SHB: variants seen among roughly 807,000 people sequenced by gnomAD.
The protein encoded by SHB is SH2 domain containing adaptor protein B.
In SHB, 20 loss-of-function variants were observed where a neutral mutation model predicts 52.3. The observed-to-expected ratio is 0.38, with a 90% CI of 0.27 to 0.56. The LOEUF (loss-of-function observed/expected upper bound fraction) is 0.56. Ranked by LOEUF, SHB falls within the 20% of genes least tolerant of loss-of-function variation. SHB has a pLI of 0.71. For synonymous variants in SHB, 397 were observed against 316.5 expected, an observed-to-expected ratio of 1.25 and a Z score of -2.70; for missense variants, 825 against 723.3, an observed-to-expected ratio of 1.14 and a Z score of -1.61.
At chr9:37,940,007 T>C (rs1272034017) in intron 5 of SHB, among the ~76,000 whole-genome samples, 1 of 152,184 alleles carries the variant, frequency 6.6e-6, no homozygotes, top group Non-Finnish European at 1.5e-5. Flanking sequence ...GCTCAGAGAA[T>C]ATGCAGAACT....
intron 2 of SHB, among the ~76,000 whole-genome samples, chr9:38,002,243 TA>T (rs1405976494): frequency 1.3e-5 from 2 of 152,106 alleles, no homozygotes; most frequent in African/African-American, 4.8e-5. Context: ...ACCCCACACA[TA>T]TAACTGAAGG....
At chr9:38,051,672 AG>A (rs1182636943) in intron 1 of SHB, among the ~76,000 whole-genome samples, 12 of 152,262 alleles carry the variant, frequency 7.9e-5, no homozygotes, top group Admixed American at 2.0e-4. Flanking sequence ...GATGGCTTTC[AG>A]ATGATCCAGA....
At chr9:37,966,130 C>T (rs148340620) in intron 3 of SHB, among the ~76,000 whole-genome samples, 428 of 152,272 alleles carry the variant, frequency 2.8e-3, no homozygotes, top group Admixed American at 5.7e-3. Flanking sequence ...TAAGCCACTG[C>T]GTCTGGCCTG....
chr9:37,977,165 A>G (rs770418231), intron 2 of SHB, among the ~76,000 whole-genome samples: 1 of 152,170 alleles, frequency 6.6e-6, no homozygotes, highest in Non-Finnish European at 1.5e-5. Context: ...TTTAAAAAAG[A>G]GACTTTGGAT....
chr9:38,056,065 T>C (rs1448908429), intron 1 of SHB, among the ~76,000 whole-genome samples: 1 of 152,204 alleles, frequency 6.6e-6, no homozygotes, highest in Non-Finnish European at 1.5e-5. Flanking sequence ...TGTCATTTTA[T>C]AAAGACAGGC....
At chr9:37,981,137 A>G (rs902510262) in intron 2 of SHB, among the ~76,000 whole-genome samples, 3 of 152,246 alleles carry the variant, frequency 2.0e-5, no homozygotes, top group African/African-American at 7.2e-5. Context: ...CTTTGAAGCC[A>G]GGCATTGACT....
At position 37,916,239 on chromosome 9, in the gene SHB, A is replaced by G. The variant is rs2118436772; in HGVS notation, c.*3582T>C. On this transcript the variant is annotated 3_prime_UTR_variant, in exon 6 of 6. Transcript: ENST00000377707. ...TCACCAATTCTGGAAGGGTGGAGAG[A>G]CAGTTGGCTGGACAGCTGCCTGATT... Among the ~76,000 whole-genome samples the G allele has an allele frequency of 6.6e-6, 1 of 152,316 alleles. No homozygotes were observed. The highest frequency in any genetic ancestry group is 1.5e-5 in the Non-Finnish European group (1 of 68,030).
chr9:38,045,835 C>G (rs569404239), intron 1 of SHB, among the ~76,000 whole-genome samples: 2 of 152,160 alleles, frequency 1.3e-5, no homozygotes, highest in Non-Finnish European at 2.9e-5. Flanking sequence ...AGGCCAGAGA[C>G]AGCTTGAAAG....
intron 2 of SHB, among the ~76,000 whole-genome samples, chr9:38,004,167 C>T (rs922616924): frequency 6.6e-6 from 1 of 152,192 alleles, no homozygotes; most frequent in African/African-American, 2.4e-5. Context: ...ACAACCCAGG[C>T]GCTCCCTCCC....
intron 5 of SHB, among the ~76,000 whole-genome samples, chr9:37,938,672 C>T (rs112078466): frequency 3.3e-5 from 5 of 152,250 alleles, no homozygotes; most frequent in Non-Finnish European, 5.9e-5. Context: ...AATGTAATCG[C>T]GGCTGCTCAG....
intron 3 of SHB, 47 bp from the exon 4 acceptor site, chr9:37,956,101 G>C: frequency 6.5e-7 from 1 of 1,529,744 alleles, no homozygotes. Flanking sequence ...CTCAGCCCAG[G>C]GAGCTACTGT....
intron 5 of SHB, among the ~76,000 whole-genome samples, chr9:37,942,554 G>A (rs1262218422): frequency 2.0e-5 from 3 of 152,222 alleles, no homozygotes; most frequent in Admixed American, 1.3e-4. Flanking sequence ...ATTTCTGAAG[G>A]CTCTGGAAAA....
At chr9:38,003,434 C>T (rs144475517) in intron 2 of SHB, among the ~76,000 whole-genome samples, 1 of 151,928 alleles carries the variant, frequency 6.6e-6, no homozygotes, top group Non-Finnish European at 1.5e-5. Context: ...CAGAATGGGC[C>T]ACATCCTCCC....
intron 4 of SHB, among the ~76,000 whole-genome samples, chr9:37,952,156 G>A (rs1438153702): frequency 6.6e-6 from 1 of 152,228 alleles, no homozygotes; most frequent in African/African-American, 2.4e-5. Flanking sequence ...AGTCAACAGA[G>A]AGATACAGGA....
At chr9:38,048,858 C>T (rs1821696003) in intron 1 of SHB, among the ~76,000 whole-genome samples, 2 of 152,120 alleles carry the variant, frequency 1.3e-5, no homozygotes, top group South Asian at 2.1e-4. Flanking sequence ...TAGGAGGGCA[C>T]CACTGGGTTC....
chr9:37,992,711 C>T (rs187833814), intron 2 of SHB, among the ~76,000 whole-genome samples: 3 of 152,322 alleles, frequency 2.0e-5, no homozygotes, highest in Admixed American at 1.3e-4. Flanking sequence ...TGCCACCATA[C>T]AGCATGGTGT....
chr9:38,009,161 T>C (rs989139883), intron 2 of SHB, among the ~76,000 whole-genome samples: 1 of 152,220 alleles, frequency 6.6e-6, no homozygotes, highest in Non-Finnish European at 1.5e-5. Context: ...GGAGAGTTCA[T>C]TCCAGAATGA....
At chr9:38,029,568 T>G (rs188467259) in intron 1 of SHB, among the ~76,000 whole-genome samples, 1 of 150,346 alleles carries the variant, frequency 6.7e-6, no homozygotes, top group African/African-American at 2.5e-5. Context: ...CTAGGCTCAC[T>G]GCAACCTCCA....
chr9:38,045,479 C>T (rs117715263), intron 1 of SHB, among the ~76,000 whole-genome samples: 1,830 of 150,596 alleles, frequency 0.012, 18 homozygotes, highest in Middle Eastern at 0.034. Context: ...CGATAGGTGG[C>T]GCGCACCTGT....
Sources: allele counts gnomAD v4.1 joint callset (sites outside exome capture counted in the v4.1 genomes callset), GRCh38; gene constraint gnomAD v4.1.1; transcripts MANE v1.5; gene names NCBI Gene and HGNC (gene_info 2026-07-23, HGNC 2026-07-21).